Variants in PLSCR2 observed in about 807,000 individuals in gnomAD.
PLSCR2 encodes the protein phospholipid scramblase 2.
Under a neutral mutation model 25.3 loss-of-function variants are expected in PLSCR2, and 18 were observed. The observed-to-expected ratio is 0.71, with a 90% CI of 0.49 to 1.06. The LOEUF (loss-of-function observed/expected upper bound fraction) is 1.06, where lower values mean the gene tolerates loss of function less well. Among genes scored for constraint, PLSCR2 ranks in the 50% least tolerant of loss-of-function variants. The pLI is 0.00. For synonymous variants in PLSCR2, 88 were observed against 87.3 expected (o/e 1.01, Z -0.04); for missense variants, 243 against 269.5 (o/e 0.90, Z 0.69).
chr3:146,482,362 C>G (rs1576734042), intron 1 of PLSCR2, among the ~76,000 whole-genome samples: 1 of 152,072 alleles, frequency 6.6e-6, no homozygotes, highest in South Asian at 2.1e-4. Flanking sequence ...CTACAAAGAA[C>G]TTAAACAAAT....
intron 1 of PLSCR2, among the ~76,000 whole-genome samples, chr3:146,491,111 A>G (rs2043535394): frequency 6.6e-6 from 1 of 152,096 alleles, no homozygotes; most frequent in African/African-American, 2.4e-5. Flanking sequence ...TTGAAGCTCA[A>G]TTTGGGTGAA....
At chr3:146,404,816 A>G (rs368052836) in intron 2 of PLSCR2, among the ~76,000 whole-genome samples, 1 of 133,454 alleles carries the variant, frequency 7.5e-6, no homozygotes, top group Non-Finnish European at 1.7e-5. Context: ...AGGCAAAAAA[A>G]AAAAAGGGGG....
At chr3:146,413,057 C>T (rs1048116102) in intron 2 of PLSCR2, among the ~76,000 whole-genome samples, 2 of 152,166 alleles carry the variant, frequency 1.3e-5, no homozygotes, top group African/African-American at 2.4e-5. Context: ...TACTAACATA[C>T]TGATTCTTTG....
In PLSCR2 at chr3:146,488,795, G is replaced by A. The variant is rs12489653; in HGVS notation, c.-293+7100C>T. 3.5e-3 allele frequency among the ~76,000 whole-genome samples: 529 copies of A among 152,162 alleles called. 8 individuals are homozygous for A. Among genetic ancestry groups the A allele is most frequent in the East Asian group, 0.029 (151 of 5,174 alleles). On this transcript the variant is annotated intron_variant, in intron 1 of 8. Coordinates refer to the PLSCR2 transcript ENST00000336685. ...GGATCTGGAACCAGAAATACCATTCGACCCACCTATCCCATTACTGGGTAT... is the reference window on the plus strand; with the variant it reads ...GGATCTGGAACCAGAAATACCATTCAACCCACCTATCCCATTACTGGGTAT...
chr3:146,453,025 A>G (rs1692428842), intron 5 of PLSCR2, among the ~76,000 whole-genome samples: 1 of 152,028 alleles, frequency 6.6e-6, no homozygotes, highest in African/African-American at 2.4e-5. Flanking sequence ...AGGTCTCTAC[A>G]ACACATGTGT....
chr3:146,420,604 G>A (rs2039116251), intron 2 of PLSCR2, among the ~76,000 whole-genome samples: 1 of 151,852 alleles, frequency 6.6e-6, no homozygotes, highest in South Asian at 2.1e-4. Flanking sequence ...TTAAATTGTT[G>A]CTCTATTATT....
chr3:146,458,387 A>G lies in PLSCR2; in HGVS notation c.100+24T>C. The G allele has an allele frequency of 2.0e-6, 3 of 1,487,246 alleles. No homozygotes were observed. The South Asian group carries it at 3.7e-5, about 19-fold the overall frequency. 92.1% of individuals were successfully genotyped at this position (1,487,246 alleles called of 1,614,324 possible). On this transcript the variant is annotated intron_variant, in intron 3 of 6. Transcript: ENST00000610787. Reference sequence around the variant, plus strand: ...ATAAACTTCTTCTCTTTTTAGAACTATGAGCAATACAATTAATACATACCT... The same window carrying G: ...ATAAACTTCTTCTCTTTTTAGAACTGTGAGCAATACAATTAATACATACCT...
chr3:146,478,889 G>A lies in PLSCR2; in HGVS notation c.-293+17006C>T, dbSNP rs537805398. Among the ~76,000 whole-genome samples the A allele has an allele frequency of 2.8e-3, 427 of 152,270 alleles. 2 individuals are homozygous for A. Among genetic ancestry groups the A allele is most frequent in the Non-Finnish European group, 3.9e-3 (263 of 68,020 alleles). ...AAGGGAAGCCCATCAGACTAACAGC[G>A]GATCTCTCGGCAGAAACTCTACAAG... On this transcript the variant is annotated intron_variant, in intron 1 of 8. Coordinates refer to the PLSCR2 transcript ENST00000336685.
At chr3:146,459,197 C>A (rs2041405775) in intron 2 of PLSCR2, among the ~76,000 whole-genome samples, 1 of 151,908 alleles carries the variant, frequency 6.6e-6, no homozygotes, top group Non-Finnish European at 1.5e-5. Flanking sequence ...AAAATTGGGT[C>A]TTCCAAAGGA....
At chr3:146,417,025 A>G (rs533431279) in intron 2 of PLSCR2, among the ~76,000 whole-genome samples, 20 of 152,346 alleles carry the variant, frequency 1.3e-4, no homozygotes, top group Admixed American at 1.0e-3. Context: ...TAAAGACAAG[A>G]TAAATCATCT....
chr3:146,426,187 CTCCCTCCT>C lies in PLSCR2; in HGVS notation c.101-30274_101-30267del, dbSNP rs1385867662. On this transcript the variant is annotated intron_variant and NMD_transcript_variant, in intron 2 of 3. Coordinates refer to the PLSCR2 transcript ENST00000463633. ...CCCCTTTATTTTCCTTCCTTCCTCC[CTCCCTCCT>C]TCCCTCCTTCCTTCCCTCCCTCCTT... Among the ~76,000 whole-genome samples the C allele has an allele frequency of 4.1e-5, 6 of 147,220 alleles. No homozygotes were observed. In the East Asian group the frequency reaches 1.0e-3, roughly 25 times the overall value.
At chr3:146,474,007 C>G in intron 1 of PLSCR2, among the ~76,000 whole-genome samples, 1 of 152,150 alleles carries the variant, frequency 6.6e-6, no homozygotes, top group South Asian at 2.1e-4. Flanking sequence ...CCTCCTTTCT[C>G]TGTTATTGGT....
exon 4 of PLSCR2, chr3:146,455,249 C>T: frequency 6.2e-7 from 1 of 1,611,828 alleles, no homozygotes; most frequent in South Asian, 1.1e-5. Context: ...CTCCTGAAGG[C>T]AGCAGGGGCA....
At chr3:146,421,531 T>C (rs2039150598) in intron 2 of PLSCR2, among the ~76,000 whole-genome samples, 1 of 152,076 alleles carries the variant, frequency 6.6e-6, no homozygotes, top group Non-Finnish European at 1.5e-5. Context: ...GAATAGTTTC[T>C]GGAAACTACA....
chr3:146,417,322 A>G (rs1244068408), intron 2 of PLSCR2, among the ~76,000 whole-genome samples: 1 of 152,204 alleles, frequency 6.6e-6, no homozygotes, highest in Non-Finnish European at 1.5e-5. Flanking sequence ...ACTCTCAAAT[A>G]GATACAAGAA....
chr3:146,488,429 T>A (rs1301520692), intron 1 of PLSCR2, among the ~76,000 whole-genome samples: 1 of 152,088 alleles, frequency 6.6e-6, no homozygotes, highest in Admixed American at 6.6e-5. Flanking sequence ...AGTCTTTCTA[T>A]CTTACAAATG....
chr3:146,436,587 G>T (rs2039874114), intron 8 of PLSCR2, among the ~76,000 whole-genome samples: 1 of 152,118 alleles, frequency 6.6e-6, no homozygotes, highest in African/African-American at 2.4e-5. Context: ...TCTGTTATTG[G>T]TGTATAGGAA....
chr3:146,494,183 C>G (rs979118181), intron 1 of PLSCR2, among the ~76,000 whole-genome samples: 1 of 152,048 alleles, frequency 6.6e-6, no homozygotes, highest in African/African-American at 2.4e-5. Flanking sequence ...TGACTGCTTT[C>G]TTTGAGGCAC....
chr3:146,486,300 CAAGA>C (rs1358259560), intron 1 of PLSCR2, among the ~76,000 whole-genome samples: 1 of 149,942 alleles, frequency 6.7e-6, no homozygotes, highest in Non-Finnish European at 1.5e-5. Context: ...TAGTGGAAAA[CAAGA>C]AATAACCAAG....
Sources: allele counts gnomAD v4.1 joint callset (sites outside exome capture counted in the v4.1 genomes callset), GRCh38; gene constraint gnomAD v4.1.1; transcripts MANE v1.5; gene names NCBI Gene and HGNC (gene_info 2026-07-23, HGNC 2026-07-21).